Variants in CLEC3B observed in about 807,000 individuals in gnomAD.
CLEC3B encodes the protein C-type lectin domain family 3 member B.
CLEC3B carries 13 observed loss-of-function variants against 15.4 expected under a neutral mutation model. That is an observed-to-expected ratio of 0.84 (90% CI 0.55 to 1.34). The LOEUF is 1.34. Among genes scored for constraint, CLEC3B ranks in the 40% most tolerant of loss-of-function variants. CLEC3B has a pLI of 0.00. For synonymous variants in CLEC3B, 112 were observed against 114.7 expected (o/e 0.98, Z 0.15); for missense variants, 242 against 268.6 (o/e 0.90, Z 0.69).
chr3:45,028,571 A>G (rs1161210538), intron 1 of CLEC3B, among the ~76,000 whole-genome samples: 1 of 152,216 alleles, frequency 6.6e-6, no homozygotes, highest in Non-Finnish European at 1.5e-5. Context: ...AAAATAAATC[A>G]ATAAATAAAA....
chr3:45,033,732 C>A (rs1194670665), intron 2 of CLEC3B, among the ~76,000 whole-genome samples: 1 of 152,160 alleles, frequency 6.6e-6, no homozygotes, highest in East Asian at 1.9e-4. Context: ...ACCAGAGCAA[C>A]AAAATGTTGG....
At chr3:45,027,076 C>T (rs1697493822) in intron 1 of CLEC3B, among the ~76,000 whole-genome samples, 1 of 152,338 alleles carries the variant, frequency 6.6e-6, no homozygotes, top group Admixed American at 6.5e-5. Flanking sequence ...GGGTGTCCCT[C>T]GGTTGCTTTG....
In CLEC3B at chr3:45,035,933, G is replaced by C. The variant is rs1161376662; in HGVS notation, c.*9G>C. 1.3e-6 allele frequency: 2 copies of C among 1,576,770 alleles called. No homozygotes were observed. The highest frequency in any genetic ancestry group is 1.7e-6 in the Non-Finnish European group (2 of 1,160,838). On this transcript the variant is annotated 3_prime_UTR_variant, in exon 3 of 3. Transcript: ENST00000296130. ...AGTTCGGGATCGTGTAGCCGGCGGG[G>C]CGGGGGCCGTGGGGGGCCTGGAGGA... is the stretch of plus-strand genomic sequence containing the variant.
chr3:45,035,277 T>A (rs1350783106), intron 2 of CLEC3B, among the ~76,000 whole-genome samples: 1 of 152,148 alleles, frequency 6.6e-6, no homozygotes, highest in African/African-American at 2.4e-5. Flanking sequence ...GGGCTGCCTT[T>A]TCTCCCAGCC....
At chr3:45,033,694 T>C (rs1253480335) in intron 2 of CLEC3B, among the ~76,000 whole-genome samples, 2 of 152,144 alleles carry the variant, frequency 1.3e-5, no homozygotes, top group African/African-American at 2.4e-5. Flanking sequence ...TGTGGAGGAC[T>C]AGCATAAATC....
intron 2 of CLEC3B, among the ~76,000 whole-genome samples, chr3:45,032,085 C>G (rs563281364): frequency 6.6e-6 from 1 of 152,060 alleles, no homozygotes; most frequent in East Asian, 1.9e-4. Context: ...CTCGAGTTAT[C>G]AGCTGGGAAA....
At chr3:45,027,869 G>T (rs910840775) in intron 1 of CLEC3B, among the ~76,000 whole-genome samples, 6 of 152,038 alleles carry the variant, frequency 3.9e-5, no homozygotes, top group Non-Finnish European at 7.4e-5. Flanking sequence ...GAAAACCATC[G>T]CCAGCTTCTC....
At position 45,030,076 on chromosome 3, in the gene CLEC3B, C is replaced by G. The variant is rs757850081; in HGVS notation, c.110-751C>G. 15 of 713,838 alleles carry G rather than the reference C, an allele frequency of 2.1e-5. No individual in the cohort carries two copies. The African/African-American group carries it at 2.7e-4, about 13-fold the overall frequency. The allele number at this position is 713,838 out of a possible 1,614,324, so 44.2% of individuals were successfully genotyped here. On this transcript the variant is annotated intron_variant, in intron 1 of 2. Coordinates refer to ENST00000296130, the MANE Select transcript of CLEC3B (RefSeq NM_003278.3). ...GAAATGCTGGTGGTACAGAATGACA[C>G]GTTACCTGTGTCATAGGGTTGATTA...
intron 2 of CLEC3B, among the ~76,000 whole-genome samples, chr3:45,035,023 G>A (rs1697617629): frequency 6.6e-6 from 1 of 152,226 alleles, no homozygotes; most frequent in Non-Finnish European, 1.5e-5. Context: ...CAGAGCAGGT[G>A]GCTGTGGCTG....
At position 45,035,717 on chromosome 3, in the gene CLEC3B, C is replaced by T. The variant is rs143079848; in HGVS notation, c.402C>T (p.Gly134=). The T allele has an allele frequency of 6.8e-6, 11 of 1,613,732 alleles. No homozygotes were observed. The highest frequency in any genetic ancestry group is 5.3e-5 in the African/African-American group (4 of 74,958). ...SVGNEAEIWL[G]LNDMAAEGTW... ...GCAACGAGGCCGAGATCTGGCTGGG[C>T]CTCAACGACATGGCGGCCGAGGGCA... is the stretch of plus-strand genomic sequence containing the variant. Residue 134 remains glycine (G), a synonymous_variant, in exon 3 of 3, where the codon GGC becomes GGT. Coordinates refer to ENST00000296130, the MANE Select transcript of CLEC3B (RefSeq NM_003278.3).
At chr3:45,027,602 G>A (rs989306777) in intron 1 of CLEC3B, among the ~76,000 whole-genome samples, 1 of 152,228 alleles carries the variant, frequency 6.6e-6, no homozygotes, top group South Asian at 2.1e-4. Context: ...ATCCACAAGA[G>A]TGAGTAACAG....
chr3:45,033,956 C>G (rs1697601602), intron 2 of CLEC3B, among the ~76,000 whole-genome samples: 2 of 141,512 alleles, frequency 1.4e-5, no homozygotes, highest in South Asian at 5.0e-4. Flanking sequence ...TACTGTGGTG[C>G]CACGAAAGCC....
intron 1 of CLEC3B, among the ~76,000 whole-genome samples, chr3:45,027,881 A>G (rs1697504506): frequency 6.6e-6 from 1 of 152,234 alleles, no homozygotes; most frequent in African/African-American, 2.4e-5. Context: ...CAGCTTCTCA[A>G]GTTTACCAAA....
chr3:45,035,577 A>G lies in CLEC3B; in HGVS notation c.262A>G (p.Thr88Ala). 2 of 1,613,870 alleles carry G rather than the reference A, an allele frequency of 1.2e-6. No individual in the cohort carries two copies. Among genetic ancestry groups the G allele is most frequent in the South Asian group, 2.2e-5 (2 of 91,034 alleles). Residue 88 changes from threonine to alanine, a missense_variant, in exon 3 of 3, where the codon ACG becomes GCG. By Grantham distance (58) the Thr-to-Ala change is moderately conservative. Transcript: ENST00000296130. The part of the protein sequence containing the change: ...HMKCFLAFTQ[T>A]KTFHEASEDC... ...GAAATGCTTTCTGGCCTTCACCCAGACGAAGACCTTCCACGAGGCCAGCGA... is the reference window on the plus strand; with the variant it reads ...GAAATGCTTTCTGGCCTTCACCCAGGCGAAGACCTTCCACGAGGCCAGCGA...
chr3:45,032,422 C>T lies in CLEC3B; in HGVS notation c.208+1497C>T, dbSNP rs148398386. Among the ~76,000 whole-genome samples, 303 of 152,344 alleles carry T rather than the reference C, an allele frequency of 2.0e-3. 2 individuals carry two copies. Among genetic ancestry groups the T allele is most frequent in the South Asian group, 5.2e-3 (25 of 4,824 alleles). ...TTCTCAGGAGTCACTAATCCCTCATCTCAATCAGCTCCTCAGTTATAAGCT... is the reference window on the plus strand; with the variant it reads ...TTCTCAGGAGTCACTAATCCCTCATTTCAATCAGCTCCTCAGTTATAAGCT... On this transcript the variant is annotated intron_variant, in intron 2 of 2. Transcript: ENST00000296130.
At position 45,036,006 on chromosome 3, in the gene CLEC3B, C is replaced by T. The variant is rs1222019494; in HGVS notation, c.*82C>T. The T allele has an allele frequency of 4.8e-5, 67 of 1,389,340 alleles. No homozygotes were observed. The highest frequency in any genetic ancestry group is 6.3e-5 in the Non-Finnish European group (66 of 1,051,894). The allele number at this position is 1,389,340 out of a possible 1,614,324, so 86.1% of individuals were successfully genotyped here. On this transcript the variant is annotated 3_prime_UTR_variant, in exon 3 of 3. Transcript: ENST00000296130. ...GGAGGAGGGTGGGGACCTTGCAGCC[C>T]CCATCCTCTCCGTGCGCTTGGAGCC...
At chr3:45,032,761 T>C (rs568229835) in intron 2 of CLEC3B, among the ~76,000 whole-genome samples, 2 of 152,334 alleles carry the variant, frequency 1.3e-5, no homozygotes, top group East Asian at 3.9e-4. Context: ...CTTCATGTAA[T>C]AGGAAACCTA....
At chr3:45,027,199 G>A (rs1052610494) in intron 1 of CLEC3B, among the ~76,000 whole-genome samples, 2 of 152,230 alleles carry the variant, frequency 1.3e-5, no homozygotes, top group Admixed American at 1.3e-4. Flanking sequence ...ACCCCCCCAG[G>A]GAGCAGAGGC....
intron 2 of CLEC3B, among the ~76,000 whole-genome samples, chr3:45,032,333 G>A (rs1484839690): frequency 6.6e-6 from 1 of 152,122 alleles, no homozygotes; most frequent in African/African-American, 2.4e-5. Flanking sequence ...GCCTTTGCAT[G>A]TGCTGTTTGG....
Sources: allele counts gnomAD v4.1 joint callset (sites outside exome capture counted in the v4.1 genomes callset), GRCh38; gene constraint gnomAD v4.1.1; transcripts MANE v1.5; gene names NCBI Gene and HGNC (gene_info 2026-07-23, HGNC 2026-07-21).